SAMD12: variants seen among roughly 807,000 people sequenced by gnomAD.
SAMD12 encodes sterile alpha motif domain-containing protein 12.
A neutral mutation model predicts 15.0 loss-of-function variants in SAMD12; 9 were observed. The observed-to-expected ratio is 0.60, with a 90% CI of 0.36 to 1.05. SAMD12 has a LOEUF of 1.05. Ranked by LOEUF, SAMD12 falls within the 50% of genes least tolerant of loss-of-function variation. The pLI is 0.01. For synonymous variants in SAMD12, 86 were observed against 90.1 expected, an observed-to-expected ratio of 0.96 and a Z score of 0.25; for missense variants, 230 against 234.2, an observed-to-expected ratio of 0.98 and a Z score of 0.12.
At chr8:118,459,801 C>T (rs1348504282) in intron 2 of SAMD12, among the ~76,000 whole-genome samples, 2 of 152,204 alleles carry the variant, frequency 1.3e-5, no homozygotes, top group East Asian at 3.9e-4. Flanking sequence ...AATATTTCAT[C>T]AAGTCTCCAC....
At chr8:118,430,767 C>T (rs190799888) in intron 3 of SAMD12, among the ~76,000 whole-genome samples, 233 of 152,184 alleles carry the variant, frequency 1.5e-3, no homozygotes, top group African/African-American at 5.3e-3. Flanking sequence ...CATCTTTCTC[C>T]AATACTTTAC....
intron 2 of SAMD12, among the ~76,000 whole-genome samples, chr8:118,495,894 G>A (rs574718590): frequency 1.8e-4 from 28 of 152,198 alleles, no homozygotes; most frequent in Admixed American, 1.6e-3. Context: ...GGGTTTAAGA[G>A]TATAGAATTC....
At chr8:118,173,234 T>C in the SAMD12 span, among the ~76,000 whole-genome samples, 9 of 152,334 alleles carry the variant, frequency 5.9e-5, no homozygotes, top group Admixed American at 2.6e-4. Context: ...CAAGTATTGA[T>C]CGAGGCAGGG....
intron 2 of SAMD12, among the ~76,000 whole-genome samples, chr8:118,567,628 T>C (rs2131225822): frequency 6.6e-6 from 1 of 152,316 alleles, no homozygotes; most frequent in South Asian, 2.1e-4. Flanking sequence ...AATCTGCTAT[T>C]GGGATTTGGC....
At chr8:118,513,381 G>C (rs1825140440) in intron 2 of SAMD12, among the ~76,000 whole-genome samples, 1 of 152,238 alleles carries the variant, frequency 6.6e-6, no homozygotes, top group Non-Finnish European at 1.5e-5. Context: ...AGGAAAAGCT[G>C]TGGGGATTGC....
chr8:118,371,988 T>A (rs1253950826), intron 4 of SAMD12, among the ~76,000 whole-genome samples: 4 of 152,028 alleles, frequency 2.6e-5, no homozygotes. Flanking sequence ...GCTCATGCTA[T>A]CCAATGATAA....
At chr8:118,220,942 T>C (rs1455640735) in intron 4 of SAMD12, among the ~76,000 whole-genome samples, 3 of 151,968 alleles carry the variant, frequency 2.0e-5, no homozygotes, top group Non-Finnish European at 4.4e-5. Flanking sequence ...GGGGACATAT[T>C]GTCCATTGAG....
At chr8:118,485,357 G>A (rs1254705959) in intron 2 of SAMD12, among the ~76,000 whole-genome samples, 1 of 152,218 alleles carries the variant, frequency 6.6e-6, no homozygotes, top group Non-Finnish European at 1.5e-5. Flanking sequence ...AAAGGTGGAA[G>A]AGATGGGGGA....
chr8:118,238,090 C>T (rs1812476002), intron 4 of SAMD12, among the ~76,000 whole-genome samples: 1 of 152,124 alleles, frequency 6.6e-6, no homozygotes, highest in Admixed American at 6.6e-5. Context: ...TCTAAAGAGA[C>T]ACACATGGCT....
At chr8:118,559,237 T>C (rs1011968954) in intron 2 of SAMD12, among the ~76,000 whole-genome samples, 1 of 152,154 alleles carries the variant, frequency 6.6e-6, no homozygotes, top group Non-Finnish European at 1.5e-5. Flanking sequence ...GAACCCAGAT[T>C]AAGACAGATA....
At chr8:118,345,910 G>T (rs1817614783) in intron 4 of SAMD12, among the ~76,000 whole-genome samples, 1 of 151,686 alleles carries the variant, frequency 6.6e-6, no homozygotes, top group Non-Finnish European at 1.5e-5. Context: ...AGACAAGTCA[G>T]CCATGAAGAA....
intron 4 of SAMD12, among the ~76,000 whole-genome samples, chr8:118,275,296 C>G (rs1465588985): frequency 1.3e-5 from 2 of 152,120 alleles, no homozygotes; most frequent in African/African-American, 2.4e-5. Context: ...AAATTTAGCT[C>G]TATCAATTAA....
chr8:118,408,941 C>T (rs1821263446), intron 3 of SAMD12, among the ~76,000 whole-genome samples: 1 of 152,060 alleles, frequency 6.6e-6, no homozygotes, highest in African/African-American at 2.4e-5. Flanking sequence ...CTCTGTCGCC[C>T]AGGTTGGAGT....
intron 4 of SAMD12, among the ~76,000 whole-genome samples, chr8:118,316,796 G>T (rs574952690): frequency 6.7e-6 from 1 of 149,542 alleles, no homozygotes; most frequent in South Asian, 2.1e-4. Context: ...TGTCCACCAT[G>T]CCTGGCTAAT....
intron 2 of SAMD12, among the ~76,000 whole-genome samples, chr8:118,484,424 G>T (rs1490447509): frequency 1.3e-5 from 2 of 152,128 alleles, no homozygotes; most frequent in East Asian, 3.9e-4. Flanking sequence ...CATATTTTAT[G>T]TTAAGTACTC....
chr8:118,349,630 T>C (rs1450685982), intron 4 of SAMD12, among the ~76,000 whole-genome samples: 1 of 152,206 alleles, frequency 6.6e-6, no homozygotes, highest in Non-Finnish European at 1.5e-5. Context: ...CACACTGAGC[T>C]CAGTGCTTGG....
chr8:118,614,215 C>T (rs1828180351), intron 1 of SAMD12, among the ~76,000 whole-genome samples: 1 of 152,218 alleles, frequency 6.6e-6, no homozygotes, highest in African/African-American at 2.4e-5. Flanking sequence ...TCTTGTCTAA[C>T]ATCTTACTCA....
chr8:118,533,707 T>C lies in SAMD12; in HGVS notation c.192+47008A>G, dbSNP rs1269227545. On this transcript the variant is annotated intron_variant, in intron 2 of 3. Coordinates refer to ENST00000314727, the MANE Select transcript of SAMD12 (RefSeq NM_207506.3). ...TACCATGATGTAATGACCTTCTTTG[T>C]CTCTTTTGATCTTTGTTGGTTTAAA... 2.6e-5 allele frequency among the ~76,000 whole-genome samples: 4 copies of C among 152,214 alleles called. No homozygotes were observed. The East Asian group carries it at 5.8e-4, about 22-fold the overall frequency.
At chr8:118,321,667 C>T (rs58111658) in intron 4 of SAMD12, among the ~76,000 whole-genome samples, 10,323 of 152,086 alleles carry the variant, frequency 0.068, 671 homozygotes, top group African/African-American at 0.14. Context: ...GGTTTTGAGT[C>T]TTCCTATGGC....
Sources: gnomAD v4.1 joint callset for allele counts (sites outside exome capture counted in the v4.1 genomes callset) on GRCh38, gnomAD v4.1.1 for gene constraint, MANE v1.5 for transcripts, NCBI Gene and HGNC (gene_info 2026-07-23, HGNC 2026-07-21) for gene names.